Variants in TNRC6B observed in about 807,000 individuals in gnomAD.
The protein encoded by TNRC6B is trinucleotide repeat containing adaptor 6B.
In TNRC6B, 52 loss-of-function variants were observed where a neutral mutation model predicts 203.6. The ratio of observed to expected loss-of-function variants is 0.26; its 90% CI spans 0.20 to 0.32. TNRC6B has a LOEUF of 0.32. Ranked by LOEUF, TNRC6B falls within the 10% of genes least tolerant of loss-of-function variation. TNRC6B has a pLI of 1.00. For synonymous variants in TNRC6B, 838 were observed against 845.7 expected (o/e 0.99, Z 0.16); for missense variants, 1,923 against 2,286.2 (o/e 0.84, Z 3.24).
chr22:40,174,369 C>T (rs144158002), upstream of TNRC6B, among the ~76,000 whole-genome samples: 43 of 151,422 alleles, frequency 2.8e-4, no homozygotes, highest in Non-Finnish European at 4.3e-4. Context: ...TTAGTAGAAA[C>T]GGGATTTTGC....
At chr22:40,061,550 T>C (rs1178343546) in intron 1 of TNRC6B, among the ~76,000 whole-genome samples, 1 of 152,102 alleles carries the variant, frequency 6.6e-6, no homozygotes, top group Admixed American at 6.6e-5. Flanking sequence ...AAATGTCAAT[T>C]AGGTCCAGAT....
At chr22:40,079,731 A>G (rs1162331157) in intron 1 of TNRC6B, among the ~76,000 whole-genome samples, 1 of 151,772 alleles carries the variant, frequency 6.6e-6, no homozygotes, top group Non-Finnish European at 1.5e-5. Context: ...AGATCCTCCC[A>G]CCTCAGCCTC....
chr22:40,288,602 G>A (rs1440712908), intron 12 of TNRC6B, among the ~76,000 whole-genome samples: 1 of 151,836 alleles, frequency 6.6e-6, no homozygotes, highest in African/African-American at 2.4e-5. Context: ...GAGTGCAGTG[G>A]CACAATCTCT....
chr22:40,178,569 A>G (rs1184113813), intron 1 of TNRC6B, among the ~76,000 whole-genome samples: 2 of 152,226 alleles, frequency 1.3e-5, no homozygotes, highest in East Asian at 3.8e-4. Flanking sequence ...CTGGGAGGGC[A>G]AGCCCTAGAA....
Position 40,242,479 on chromosome 22 carries a change from G to A in TNRC6B, c.6-3536G>A, listed in dbSNP as rs112889170. ...GAATTTCGCTCTTGTTGCCCAGGCT[G>A]GAGTGCAGTGGCACGATTTCGGCCC... On this transcript the variant is annotated intron_variant, in intron 1 of 22. Transcript: ENST00000454349. Among the ~76,000 whole-genome samples the A allele has an allele frequency of 2.0e-4, 30 of 150,726 alleles. 1 individual carries two copies. The highest frequency in any genetic ancestry group is 7.3e-4 in the African/African-American group (30 of 40,968).
At chr22:40,062,240 G>T (rs972777682) in intron 1 of TNRC6B, among the ~76,000 whole-genome samples, 2 of 151,930 alleles carry the variant, frequency 1.3e-5, no homozygotes, top group Admixed American at 1.3e-4. Flanking sequence ...TCACTCTGTT[G>T]CCCAGGCTGG....
chr22:40,230,075 C>G (rs1307824696), intron 1 of TNRC6B, among the ~76,000 whole-genome samples: 3 of 152,148 alleles, frequency 2.0e-5, no homozygotes, highest in African/African-American at 7.2e-5. Context: ...ACATTCCCAT[C>G]ATGAGAGAGT....
intron 1 of TNRC6B, among the ~76,000 whole-genome samples, chr22:40,209,581 T>A (rs926930539): frequency 7.2e-5 from 11 of 152,204 alleles, no homozygotes; most frequent in Non-Finnish European, 1.3e-4. Flanking sequence ...TAACCTGCCA[T>A]GGCATGCATA....
At chr22:40,119,398 A>G (rs2068422446) in intron 2 of TNRC6B, among the ~76,000 whole-genome samples, 1 of 152,232 alleles carries the variant, frequency 6.6e-6, no homozygotes, top group South Asian at 2.1e-4. Flanking sequence ...AGCCTGGCCA[A>G]CATGGTGAAA....
intron 1 of TNRC6B, among the ~76,000 whole-genome samples, chr22:40,051,942 A>G (rs2067749044): frequency 6.6e-6 from 1 of 152,330 alleles, no homozygotes; most frequent in Non-Finnish European, 1.5e-5. Context: ...GCTCATAGAC[A>G]TCTCAGTTCA....
chr22:40,071,819 C>T (rs572178005), intron 1 of TNRC6B, among the ~76,000 whole-genome samples: 5 of 152,178 alleles, frequency 3.3e-5, no homozygotes, highest in Admixed American at 1.3e-4. Context: ...ATTTCTAGAG[C>T]GATTTGTTCA....
At position 40,301,168 on chromosome 22, in the gene TNRC6B, G is replaced by A; in HGVS notation, c.3955G>A (p.Ala1319Thr). Residue 1319 changes from alanine to threonine, a missense_variant, in exon 15 of 23, where the codon GCA becomes ACA. Ala to Thr is a moderately conservative substitution (Grantham distance 58). Coordinates refer to ENST00000454349, the MANE Select transcript of TNRC6B (RefSeq NM_001162501.2). The stretch of plus-strand genomic sequence containing the variant: ...CCCTCAGCTGGCTCGAATGGTGAGT[G>A]CACTGCAGCAGCAGCAGCAGCAGCA... ...QEQQLARMVS[A>T]LQQQQQQQQR... 6.5e-7 allele frequency: 1 copy of A among 1,541,818 alleles called. No individual in the cohort carries two copies. Among genetic ancestry groups the A allele is most frequent in the Non-Finnish European group, 8.7e-7 (1 of 1,144,552 alleles).
At chr22:40,066,002 G>C (rs945963363) in intron 1 of TNRC6B, among the ~76,000 whole-genome samples, 4 of 152,114 alleles carry the variant, frequency 2.6e-5, no homozygotes, top group Admixed American at 2.6e-4. Context: ...GTCTCCTACA[G>C]ATCTCTGGAG....
In TNRC6B at chr22:40,331,224, G is replaced by C. The variant is rs1243078400; in HGVS notation, c.*7983G>C. The C allele has an allele frequency of 1.3e-5, 2 of 152,830 alleles. No homozygotes were observed. Among genetic ancestry groups the C allele is most frequent in the African/African-American group, 4.8e-5 (2 of 41,400 alleles). 9.5% of individuals were successfully genotyped at this position (152,830 alleles called of 1,614,324 possible). On this transcript the variant is annotated 3_prime_UTR_variant, in exon 23 of 23. Coordinates refer to ENST00000454349, the MANE Select transcript of TNRC6B (RefSeq NM_001162501.2). ...ATGGGCGTCACATCACGTTGCTGTT[G>C]ATGCAAACAGGGTATTACACACAAG...
At chr22:40,263,037 C>A (rs1303610420) in intron 4 of TNRC6B, among the ~76,000 whole-genome samples, 5 of 116,698 alleles carry the variant, frequency 4.3e-5, no homozygotes, top group African/African-American at 1.5e-4. Flanking sequence ...CAGACTCCGT[C>A]TTAAAAAAAA....
intron 4 of TNRC6B, among the ~76,000 whole-genome samples, chr22:40,162,687 G>T (rs527645268): frequency 6.6e-6 from 1 of 152,132 alleles, no homozygotes; most frequent in African/African-American, 2.4e-5. Context: ...ATATGTACAT[G>T]TTGAAATAAA....
chr22:40,158,340 C>CAATA (rs144615900), intron 4 of TNRC6B, among the ~76,000 whole-genome samples: 8,438 of 139,076 alleles, frequency 0.061, 300 homozygotes, highest in African/African-American at 0.1. Context: ...ACTCCATCTT[C>CAATA]AATAAATAAA....
chr22:40,178,498 A>C (rs1485847340), intron 1 of TNRC6B, among the ~76,000 whole-genome samples: 2 of 152,228 alleles, frequency 1.3e-5, no homozygotes, highest in Non-Finnish European at 2.9e-5. Flanking sequence ...AATCTGCTGC[A>C]AAAATTTGCA....
In TNRC6B at chr22:40,300,547, C is replaced by A. The variant is rs370094854; in HGVS notation, c.3801C>A (p.Ala1267=). 2 of 1,613,072 alleles carry A rather than the reference C, an allele frequency of 1.2e-6. No homozygotes were observed. The highest frequency in any genetic ancestry group is 2.7e-5 in the African/African-American group (2 of 74,886). The part of the protein sequence containing the change: ...VGPQLSPQQI[A]MLSQLPQIPQ... The stretch of plus-strand genomic sequence containing the variant: ...CCCAGTTATCTCCTCAACAAATTGC[C>A]ATGCTGAGCCAGCTTCCACAAATTC... The change falls in exon 13 of 23, where the codon GCC becomes GCA. Residue 1267 remains alanine (A), a synonymous_variant. Transcript: ENST00000454349.
Sources: gnomAD v4.1 joint callset for allele counts (sites outside exome capture counted in the v4.1 genomes callset) on GRCh38, gnomAD v4.1.1 for gene constraint, MANE v1.5 for transcripts, NCBI Gene and HGNC (gene_info 2026-07-23, HGNC 2026-07-21) for gene names.